Variants in WDTC1 observed in about 807,000 individuals in gnomAD.
WDTC1 encodes WD and tetratricopeptide repeats protein 1.
In WDTC1, 12 loss-of-function variants were observed where a neutral mutation model predicts 76.0. That is an observed-to-expected ratio of 0.16 (90% confidence interval 0.10 to 0.26). The LOEUF (loss-of-function observed/expected upper bound fraction) is 0.26. WDTC1 is among the 10% of genes least tolerant of loss of function. The probability of loss-of-function intolerance (pLI) is 1.00; values close to 1 mark genes in which losing one functional copy is unlikely to be tolerated. For missense variants in WDTC1, 511 were observed against 908.8 expected (o/e 0.56, Z 5.63); for synonymous variants, 326 against 350.8 (o/e 0.93, Z 0.79).
chr1:27,253,185 C>T (rs992354195), intron 1 of WDTC1, among the ~76,000 whole-genome samples: 17 of 151,532 alleles, frequency 1.1e-4, no homozygotes, highest in African/African-American at 2.2e-4. Flanking sequence ...ACTTTTTGTA[C>T]GTTTAGTAGA....
chr1:27,292,037 C>T (rs1013468316), intron 6 of WDTC1, among the ~76,000 whole-genome samples, 178 bp from the exon 7 acceptor site: 2 of 152,184 alleles, frequency 1.3e-5, no homozygotes, highest in African/African-American at 2.4e-5. Flanking sequence ...GAGAAGCCTA[C>T]TACAGGTACC....
chr1:27,305,836 A>C lies in WDTC1; in HGVS notation c.1837-350A>C, dbSNP rs2013941416. Among the ~76,000 whole-genome samples, 1 of 152,156 alleles carries C rather than the reference A, an allele frequency of 6.6e-6. No individual in the cohort carries two copies. Among genetic ancestry groups the C allele is most frequent in the Non-Finnish European group, 1.5e-5 (1 of 68,016 alleles). ...AAGATGAAGCAAGAGTTGTGGCAAC[A>C]AAACAGAATGGGGTGGGGAAGTTGT... On this transcript the variant is annotated intron_variant, in intron 15 of 15. Coordinates refer to ENST00000319394, the MANE Select transcript of WDTC1 (RefSeq NM_001276252.2). This position sits in a 1 kb window ranked among gnomAD's most constrained non-coding sequence, Gnocchi z 4.6.
At position 27,307,345 on chromosome 1, in the gene WDTC1, C is replaced by T. The variant is rs1458172857; in HGVS notation, c.*962C>T. The T allele has an allele frequency of 6.5e-6, 1 of 152,986 alleles. No homozygotes were observed. Among genetic ancestry groups the T allele is most frequent in the African/African-American group, 2.4e-5 (1 of 41,416 alleles). The allele number at this position is 152,986 out of a possible 1,614,324, so 9.5% of individuals were successfully genotyped here. A position where few individuals can be genotyped will look rare whatever the true frequency, so the allele number is the denominator to read the frequency against. ...GCTCTGAGGGGAGAGGGGTGGGTCT[C>T]CTGAGCCACTCAGATGGGAAAGTCC... On this transcript the variant is annotated 3_prime_UTR_variant, in exon 16 of 16. Coordinates refer to ENST00000319394, the MANE Select transcript of WDTC1 (RefSeq NM_001276252.2). The surrounding 1 kb of genome is among the most constrained non-coding windows in gnomAD (Gnocchi z 4.1).
At chr1:27,298,237 C>T in intron 12 of WDTC1, 126 bp downstream of exon 12, 1 of 1,193,810 alleles carries the variant, frequency 8.4e-7, no homozygotes, top group Non-Finnish European at 1.1e-6. Context: ...CATATTGCTG[C>T]CTCTTAGGGC....
chr1:27,306,320 G>T lies in WDTC1; in HGVS notation c.1971G>T (p.Gly657=). Residue 657 remains glycine (G), a synonymous_variant, in exon 16 of 16, where the codon GGG becomes GGT. Coordinates refer to ENST00000319394, the MANE Select transcript of WDTC1 (RefSeq NM_001276252.2). The surrounding 1 kb of genome is among the most constrained non-coding windows in gnomAD (Gnocchi z 5.0). ...ACCGGATCACGGGCCTGAGCAGTGGGGGTGCCGGGGCCTCTGATGATGAGG... is the reference window on the plus strand; with the variant it reads ...ACCGGATCACGGGCCTGAGCAGTGGTGGTGCCGGGGCCTCTGATGATGAGG... The part of the protein sequence containing the change: ...MGYRITGLSS[G]GAGASDDEDS... 1 of 1,614,008 alleles carries T rather than the reference G, an allele frequency of 6.2e-7. No homozygotes were observed. The highest frequency in any genetic ancestry group is 8.5e-7 in the Non-Finnish European group (1 of 1,180,004).
intron 1 of WDTC1, among the ~76,000 whole-genome samples, chr1:27,260,739 G>A (rs552806628): frequency 6.6e-6 from 1 of 152,222 alleles, no homozygotes; most frequent in South Asian, 2.1e-4. Flanking sequence ...TATTTCTTCC[G>A]TGTTTGTTCC....
intron 3 of WDTC1, among the ~76,000 whole-genome samples, chr1:27,280,020 T>C (rs542066080): frequency 6.6e-6 from 1 of 152,366 alleles, no homozygotes; most frequent in African/African-American, 2.4e-5. Flanking sequence ...TCTACAATTA[T>C]TATCTTTTTT....
Position 27,301,531 on chromosome 1 carries a change from G to T in WDTC1, c.1468+70G>T. On this transcript the variant is annotated intron_variant, in intron 13 of 15. Coordinates refer to ENST00000319394, the MANE Select transcript of WDTC1 (RefSeq NM_001276252.2). The surrounding 1 kb of genome is among the most constrained non-coding windows in gnomAD (Gnocchi z 5.8). ...AGATGCTGCATGACATTCTGGAGAGGTCATGGTTCTGGGATTGGAGAGGCC... is the reference window on the plus strand; with the variant it reads ...AGATGCTGCATGACATTCTGGAGAGTTCATGGTTCTGGGATTGGAGAGGCC... The T allele has an allele frequency of 1.6e-5, 24 of 1,545,680 alleles. No homozygotes were observed. The South Asian group carries it at 2.5e-4, about 16-fold the overall frequency.
At chr1:27,252,392 C>T (rs1021184852) in intron 1 of WDTC1, among the ~76,000 whole-genome samples, 4 of 152,052 alleles carry the variant, frequency 2.6e-5, no homozygotes, top group African/African-American at 9.7e-5. Flanking sequence ...TGTCCTCTAG[C>T]TCGAGAAATT....
At position 27,306,900 on chromosome 1, in the gene WDTC1, C is replaced by A. The variant is rs573995425; in HGVS notation, c.*517C>A. On this transcript the variant is annotated 3_prime_UTR_variant, in exon 16 of 16. Transcript: ENST00000319394. The surrounding 1 kb of genome is among the most constrained non-coding windows in gnomAD (Gnocchi z 5.0). ...GGGTCCCACCCTCCCTCCAGAGCCA[C>A]CAGTGTTAGAGCGGAGCCCAAAGGA... 1 of 164,102 alleles carries A rather than the reference C, an allele frequency of 6.1e-6. No individual in the cohort carries two copies. The highest frequency in any genetic ancestry group is 1.8e-4 in the East Asian group (1 of 5,702). 10.2% of individuals were successfully genotyped at this position (164,102 alleles called of 1,614,324 possible).
Position 27,234,711 on chromosome 1 carries a change from G to T in WDTC1, c.-340G>T, listed in dbSNP as rs559150792. The T allele has an allele frequency of 1.9e-4, 76 of 398,294 alleles. No homozygotes were observed. In the East Asian group the frequency reaches 2.6e-3, roughly 14 times the overall value. 24.7% of individuals were successfully genotyped at this position (398,294 alleles called of 1,614,324 possible). ...GAGGGGAGTGCGTGTGTGAGAGCGCGCGAGGGAGTGTGAGTGTGTGTGAGC... is the reference window on the plus strand; with the variant it reads ...GAGGGGAGTGCGTGTGTGAGAGCGCTCGAGGGAGTGTGAGTGTGTGTGAGC... On this transcript the variant is annotated 5_prime_UTR_variant, in exon 1 of 16. Coordinates refer to ENST00000319394, the MANE Select transcript of WDTC1 (RefSeq NM_001276252.2).
rs2011449957 is a variant in WDTC1, at chr1:27,234,688, GGGGAGTGCGTGTGTGAGAGCGCGCGA to G, written c.-355_-330del. 2 of 397,926 alleles carry G rather than the reference GGGGAGTGCGTGTGTGAGAGCGCGCGA, an allele frequency of 5.0e-6. No individual in the cohort carries two copies. The highest frequency in any genetic ancestry group is 8.8e-5 in the Admixed American group (2 of 22,680). 24.6% of individuals were successfully genotyped at this position (397,926 alleles called of 1,614,324 possible). A position where few individuals can be genotyped will look rare whatever the true frequency, so the allele number is the denominator to read the frequency against. On this transcript the variant is annotated 5_prime_UTR_variant, in exon 1 of 16. Coordinates refer to ENST00000319394, the MANE Select transcript of WDTC1 (RefSeq NM_001276252.2). Reference sequence around the variant, plus strand: ...GAGATAAACAGAGGAGGAGGAGGGAGGGGAGTGCGTGTGTGAGAGCGCGCGAGGGAGTGTGAGTGTGTGTGAGCGCG... The same window carrying G: ...GAGATAAACAGAGGAGGAGGAGGGAGGGGAGTGTGAGTGTGTGTGAGCGCG...
chr1:27,242,037 G>A lies in WDTC1; in HGVS notation c.-100+7086G>A, dbSNP rs182243397. The stretch of plus-strand genomic sequence containing the variant: ...CTCCTGAGTAGCTAGGATTACAGGC[G>A]TGTGCCATCACGCCTGGCTAATTTT... On this transcript the variant is annotated intron_variant, in intron 1 of 15. Coordinates refer to ENST00000319394, the MANE Select transcript of WDTC1 (RefSeq NM_001276252.2). Among the ~76,000 whole-genome samples, 19 of 152,022 alleles carry A rather than the reference G, an allele frequency of 1.2e-4. No individual in the cohort carries two copies. In the East Asian group the frequency reaches 3.5e-3, roughly 28 times the overall value.
chr1:27,263,414 C>T (rs548082988), intron 3 of WDTC1, among the ~76,000 whole-genome samples, 179 bp downstream of exon 3: 2 of 152,274 alleles, frequency 1.3e-5, no homozygotes, highest in African/African-American at 2.4e-5. Flanking sequence ...GACATAGTCA[C>T]ATATAAATTA....
At chr1:27,290,109 C>T (rs1210384791) in intron 6 of WDTC1, among the ~76,000 whole-genome samples, 2 of 152,006 alleles carry the variant, frequency 1.3e-5, no homozygotes, top group African/African-American at 4.8e-5. Context: ...CAGGGTCTCA[C>T]TCCATTCTAT....
intron 1 of WDTC1, among the ~76,000 whole-genome samples, chr1:27,251,033 ATTTTTTTTTTTTTTTT>A (rs71584875): frequency 2.8e-4 from 8 of 28,686 alleles, no homozygotes; most frequent in Non-Finnish European, 4.8e-4. Flanking sequence ...CTCCTGGCTA[ATTTTTTTTTTTTTTTT>A]TTTTTTTTTT....
At chr1:27,252,823 G>A (rs2012124514) in intron 1 of WDTC1, among the ~76,000 whole-genome samples, 2 of 151,438 alleles carry the variant, frequency 1.3e-5, no homozygotes, top group African/African-American at 4.9e-5. Context: ...AAAAAAAAAA[G>A]TTACTTGTGG....
chr1:27,266,733 T>C (rs1199174772), intron 3 of WDTC1, among the ~76,000 whole-genome samples: 1 of 152,214 alleles, frequency 6.6e-6, no homozygotes, highest in Non-Finnish European at 1.5e-5. Context: ...TGTTAGTCAA[T>C]AATAGTTTAT....
At chr1:27,243,962 CAAAAA>C (rs146740401) in intron 1 of WDTC1, among the ~76,000 whole-genome samples, 3 of 122,164 alleles carry the variant, frequency 2.5e-5, no homozygotes, top group Non-Finnish European at 5.1e-5. Flanking sequence ...CCCATCTCTA[CAAAAA>C]AAAAAAAAAA....
Sources: allele counts gnomAD v4.1 joint callset (sites outside exome capture counted in the v4.1 genomes callset), GRCh38; gene constraint gnomAD v4.1.1; non-coding constraint Gnocchi (gnomAD v3.1); transcripts MANE v1.5; gene names NCBI Gene and HGNC (gene_info 2026-07-23, HGNC 2026-07-21).